The following NBEA variants were observed in gnomAD, a reference collection of about 807,000 sequenced individuals.
The protein encoded by NBEA is lysosomal-trafficking regulator 2.
In NBEA, 44 loss-of-function variants were observed where a neutral mutation model predicts 343.4. That is an observed-to-expected ratio of 0.13 (90% CI 0.10 to 0.16). The LOEUF is 0.16. Ranked by LOEUF, NBEA falls within the 10% of genes least tolerant of loss-of-function variation. The pLI, the probability that NBEA is intolerant of heterozygous loss-of-function variation, is 1.00. For synonymous variants in NBEA, 1,175 were observed against 1,238.7 expected, an observed-to-expected ratio of 0.95 and a Z score of 1.08; for missense variants, 2,555 against 3,631.3, an observed-to-expected ratio of 0.70 and a Z score of 7.62.
intron 40 of NBEA, among the ~76,000 whole-genome samples, chr13:35,461,451 C>T (rs1323751779): frequency 6.6e-6 from 1 of 152,154 alleles, no homozygotes; most frequent in African/African-American, 2.4e-5. Flanking sequence ...AAATAACTAA[C>T]TTACCAGGAA....
intron 1 of NBEA, among the ~76,000 whole-genome samples, chr13:34,985,495 A>G (rs2060512503): frequency 6.6e-6 from 1 of 150,940 alleles, no homozygotes; most frequent in African/African-American, 2.4e-5. Context: ...TTGGTCTAAA[A>G]TTCTCTTTTT....
chr13:35,229,609 CAT>C (rs1175742719), intron 33 of NBEA, among the ~76,000 whole-genome samples: 2 of 151,996 alleles, frequency 1.3e-5, no homozygotes, highest in Non-Finnish European at 2.9e-5. Context: ...ATAGCTGTCT[CAT>C]GTGTCTTGGA....
Position 35,044,999 on chromosome 13 carries a change from G to A in NBEA, c.579G>A (p.Lys193=), listed in dbSNP as rs1242249285. Residue 193 remains lysine, a synonymous_variant, in exon 3 of 59, where the codon AAG becomes AAA. Transcript: ENST00000379939. ...TTGCCAGCTACAGCATCACTGTCAA[G>A]GAGTTGAAGCTTTTGTTCAGCATGC... ...GVLASYSITV[K]ELKLLFSMLR... is the part of the protein sequence containing the mutation. 8 of 1,612,012 alleles carry A rather than the reference G, an allele frequency of 5.0e-6. No homozygotes were observed. In the East Asian group the frequency reaches 6.7e-5, roughly 14 times the overall value.
intron 41 of NBEA, among the ~76,000 whole-genome samples, chr13:35,514,044 C>T (rs746963763): frequency 2.2e-4 from 34 of 151,940 alleles, no homozygotes; most frequent in Non-Finnish European, 4.6e-4. Context: ...ACAGCAGCCT[C>T]TAGCCCTCCA....
chr13:35,033,869 A>G lies in NBEA; in HGVS notation c.295-7064A>G, dbSNP rs112362228. Among the ~76,000 whole-genome samples, 527 of 151,728 alleles carry G rather than the reference A, an allele frequency of 3.5e-3. 2 individuals are homozygous for G. The highest frequency in any genetic ancestry group is 0.012 in the African/African-American group (505 of 41,478). ...TGTTGATTTTGTATCCTGTAACTTT[A>G]CTGAATTTGTTTATTATTCTAATAG... On this transcript the variant is annotated intron_variant, in intron 1 of 58. Transcript: ENST00000379939.
At chr13:35,603,900 T>C (rs952567624) in intron 47 of NBEA, among the ~76,000 whole-genome samples, 4 of 152,254 alleles carry the variant, frequency 2.6e-5, no homozygotes, top group Non-Finnish European at 5.9e-5. Context: ...CTGCGCCTTT[T>C]ACTAATTCCT....
chr13:35,022,874 A>G (rs2061895375), intron 1 of NBEA, among the ~76,000 whole-genome samples: 1 of 152,146 alleles, frequency 6.6e-6, no homozygotes, highest in Non-Finnish European at 1.5e-5. Flanking sequence ...TGTTCACAAA[A>G]TGGTGATTCT....
chr13:35,584,004 C>G lies in NBEA; in HGVS notation c.7142C>G (p.Thr2381Arg). 1.2e-6 allele frequency: 2 copies of G among 1,613,614 alleles called. No individual in the cohort carries two copies. Among genetic ancestry groups the G allele is most frequent in the Middle Eastern group, 1.7e-4 (1 of 6,056 alleles). ...PPYHYNTHYS[T>R]ATSTLSWLVR... ...TACCATTATAATACCCATTATTCAA[C>G]AGCAACATCTACTTTATCCTGGCTT... Residue 2381 changes from threonine to arginine, a missense_variant, in exon 46 of 59, where the codon ACA (threonine) becomes AGA (arginine). Physicochemically the swap from Thr to Arg is moderately conservative, Grantham distance 71 (BLOSUM62 -1). Coordinates refer to ENST00000379939, the MANE Select transcript of NBEA (RefSeq NM_001385012.1).
At chr13:35,092,422 A>G (rs188744162) in intron 10 of NBEA, among the ~76,000 whole-genome samples, 21 of 152,118 alleles carry the variant, frequency 1.4e-4, no homozygotes, top group Admixed American at 1.1e-3. Flanking sequence ...AGATGCAATG[A>G]AAAGACACAG....
At chr13:35,366,658 A>G (rs896615728) in intron 38 of NBEA, among the ~76,000 whole-genome samples, 3 of 149,590 alleles carry the variant, frequency 2.0e-5, no homozygotes, top group South Asian at 2.1e-4. Context: ...TTTTAACTAC[A>G]GTACGTTCCT....
rs1036940919 is a variant in NBEA at position 35,300,596 on chromosome 13, G to A, written c.5839-8932G>A. On this transcript the variant is annotated intron_variant, in intron 35 of 58. Transcript: ENST00000379939. ...ATTTTCAGAGTTTTAAAACTATTTC[G>A]TTTACATGCTTTAAGATTTGTTTCA... 8.5e-5 allele frequency among the ~76,000 whole-genome samples: 13 copies of A among 152,102 alleles called. 1 individual carries two copies. Among genetic ancestry groups the A allele is most frequent in the African/African-American group, 1.4e-4 (6 of 41,514 alleles).
intron 1 of NBEA, among the ~76,000 whole-genome samples, chr13:34,993,673 G>T (rs1427083667): frequency 6.6e-6 from 1 of 152,122 alleles, no homozygotes; most frequent in Non-Finnish European, 1.5e-5. Context: ...TATGACCCCT[G>T]GTTACAACAT....
intron 1 of NBEA, among the ~76,000 whole-genome samples, chr13:35,040,132 A>T (rs2062596021): frequency 6.6e-6 from 1 of 152,150 alleles, no homozygotes; most frequent in Non-Finnish European, 1.5e-5. Flanking sequence ...AAGGATATCC[A>T]GTTTGACAGT....
intron 1 of NBEA, among the ~76,000 whole-genome samples, chr13:34,970,835 A>C (rs2059975105): frequency 6.6e-6 from 1 of 152,166 alleles, no homozygotes; most frequent in African/African-American, 2.4e-5. Context: ...CTTTTTGCTT[A>C]GGATTGCTCT....
intron 10 of NBEA, among the ~76,000 whole-genome samples, chr13:35,089,967 G>T (rs1333247155): frequency 3.3e-5 from 5 of 149,788 alleles, no homozygotes. Flanking sequence ...GCTAGATGAC[G>T]AGTTAGTGGG....
chr13:35,225,083 A>G (rs1754091063), intron 33 of NBEA, among the ~76,000 whole-genome samples: 2 of 152,150 alleles, frequency 1.3e-5, no homozygotes, highest in African/African-American at 2.4e-5. Context: ...GTTCTGATTC[A>G]GAGAGGTTCT....
intron 38 of NBEA, among the ~76,000 whole-genome samples, chr13:35,360,236 A>G (rs2040735331): frequency 6.6e-6 from 1 of 152,038 alleles, no homozygotes; most frequent in East Asian, 1.9e-4. Flanking sequence ...AATTAAGAAG[A>G]AGACTGAAGA....
intron 11 of NBEA, among the ~76,000 whole-genome samples, chr13:35,099,157 G>C (rs1257126846): frequency 2.7e-5 from 4 of 149,586 alleles, no homozygotes; most frequent in Non-Finnish European, 5.9e-5. Flanking sequence ...AGCCTCCCGA[G>C]TGTCTGGGAT....
At chr13:34,960,990 A>G (rs1315879792) in intron 1 of NBEA, among the ~76,000 whole-genome samples, 1 of 152,124 alleles carries the variant, frequency 6.6e-6, no homozygotes, top group Non-Finnish European at 1.5e-5. Context: ...TTGAAAAATT[A>G]TGCTGCCAAA....
Sources: allele counts gnomAD v4.1 joint callset (sites outside exome capture counted in the v4.1 genomes callset), GRCh38; gene constraint gnomAD v4.1.1; transcripts MANE v1.5; gene names NCBI Gene and HGNC (gene_info 2026-07-23, HGNC 2026-07-21).